The following FIG4 variants were observed in gnomAD, a reference collection of about 807,000 sequenced individuals.
The protein encoded by FIG4 is polyphosphoinositide phosphatase.
FIG4 carries 112 observed loss-of-function variants against 118.6 expected under a neutral mutation model. The observed-to-expected ratio is 0.94, with a 90% CI of 0.81 to 1.11. The LOEUF is 1.11. Among genes scored for constraint, FIG4 ranks in the 50% least tolerant of loss-of-function variants. The pLI is 0.00. For synonymous variants in FIG4, 369 were observed against 381.2 expected (o/e 0.97, Z 0.37); for missense variants, 969 against 1,111.7 (o/e 0.87, Z 1.83).
At chr6:109,804,467 A>T (rs1471172663) in intron 22 of FIG4, among the ~76,000 whole-genome samples, 1 of 152,146 alleles carries the variant, frequency 6.6e-6, no homozygotes, top group Non-Finnish European at 1.5e-5. Flanking sequence ...AGTTAAGATA[A>T]ACTTTTGGCT....
At position 109,765,180 on chromosome 6, in the gene FIG4, T is replaced by G; in HGVS notation, c.1583+19T>G. ...CAGTTAGGTAAGTCTTATTTTTTGC[T>G]ATTTGAATGCTGATAATGGCAGAAG... is the stretch of plus-strand genomic sequence containing the variant. On this transcript the variant is annotated intron_variant, in intron 14 of 22. Transcript: ENST00000230124. 6.2e-7 allele frequency: 1 copy of G among 1,611,554 alleles called. No homozygotes were observed.
At chr6:109,776,815 T>C (rs1348462833) in intron 15 of FIG4, 107 bp from the exon 16 acceptor site, 2 of 868,572 alleles carry the variant, frequency 2.3e-6, no homozygotes, top group Non-Finnish European at 3.8e-6. Flanking sequence ...TGTATGTATT[T>C]GAACTATAAA....
chr6:109,718,458 C>G (rs571254795), intron 3 of FIG4, among the ~76,000 whole-genome samples: 1 of 152,282 alleles, frequency 6.6e-6, no homozygotes, highest in Non-Finnish European at 1.5e-5. Flanking sequence ...TTAGCACTTT[C>G]TATTTTGTGA....
chr6:109,746,722 C>T (rs1193752090), intron 10 of FIG4, among the ~76,000 whole-genome samples: 1 of 152,082 alleles, frequency 6.6e-6, no homozygotes, highest in Non-Finnish European at 1.5e-5. Context: ...GGATCATTGT[C>T]AGATTTATGT....
At chr6:109,738,603 A>C in intron 7 of FIG4, 150 bp downstream of exon 7, 1 of 730,886 alleles carries the variant, frequency 1.4e-6, no homozygotes, top group Non-Finnish European at 2.4e-6. Flanking sequence ...GCAGAAATAC[A>C]AAGAAGAATG....
chr6:109,824,302 A>C (rs942622239), intron 22 of FIG4, among the ~76,000 whole-genome samples: 5 of 152,238 alleles, frequency 3.3e-5, no homozygotes, highest in African/African-American at 1.2e-4. Flanking sequence ...GAGTCGCAGA[A>C]TTCCGAATTG....
intron 5 of FIG4, among the ~76,000 whole-genome samples, chr6:109,733,439 T>C (rs527688143): frequency 6.6e-6 from 1 of 152,128 alleles, no homozygotes; most frequent in African/African-American, 2.4e-5. Context: ...AAAATAAAAA[T>C]AGAACACAGT....
In FIG4 at chr6:109,801,147, A is replaced by G. The variant is rs79456564; in HGVS notation, c.2546+4296A>G. On this transcript the variant is annotated intron_variant, in intron 22 of 22. Transcript: ENST00000230124. ...CCTATTCTAGGAATATGTCTCATTT[A>G]AAAATCACCTCTAAGAAATGGTTCA... 6.9e-3 allele frequency among the ~76,000 whole-genome samples: 1,053 copies of G among 152,340 alleles called. 19 individuals carry two copies. Among genetic ancestry groups the G allele is most frequent in the African/African-American group, 0.024 (998 of 41,562 alleles).
intron 10 of FIG4, among the ~76,000 whole-genome samples, chr6:109,756,668 C>A (rs555360568): frequency 2.0e-5 from 3 of 152,116 alleles, no homozygotes. Flanking sequence ...CTTCCCTTCT[C>A]GCTTCATTTC....
Position 109,776,991 on chromosome 6 carries a change from T to C in FIG4, c.1820T>C (p.Leu607Pro). The C allele has an allele frequency of 6.2e-7, 1 of 1,613,246 alleles. No homozygotes were observed. The highest frequency in any genetic ancestry group is 8.5e-7 in the Non-Finnish European group (1 of 1,179,246). Residue 607 changes from leucine to proline, a missense_variant, in exon 16 of 23, where the codon CTC becomes CCC. Leu to Pro is a moderately conservative substitution (Grantham distance 98). This residue lies in a region of FIG4 where 246 missense variants were observed against 354.3 expected (regional missense o/e 0.69). Transcript: ENST00000230124. ...CATCCCACTGAAGGGAAACCTCATCTCTGGGAGCTCCCAACAGATTTTTAT... is the reference window on the plus strand; with the variant it reads ...CATCCCACTGAAGGGAAACCTCATCCCTGGGAGCTCCCAACAGATTTTTAT... Reference protein sequence around the residue: ...VFHPTEGKPHLWELPTDFYLH... With the variant: ...VFHPTEGKPHPWELPTDFYLH...
chr6:109,759,388 C>T (rs1182945946), intron 10 of FIG4, among the ~76,000 whole-genome samples: 1 of 151,860 alleles, frequency 6.6e-6, no homozygotes, highest in Non-Finnish European at 1.5e-5. Flanking sequence ...GCACGTTCTG[C>T]ACATGTATCC....
chr6:109,808,480 A>G (rs1459019687), intron 22 of FIG4, among the ~76,000 whole-genome samples: 1 of 152,208 alleles, frequency 6.6e-6, no homozygotes, highest in Non-Finnish European at 1.5e-5. Flanking sequence ...TCTTTGTGAC[A>G]AAATGGAAAA....
intron 22 of FIG4, among the ~76,000 whole-genome samples, chr6:109,798,281 G>A (rs1340942404): frequency 6.6e-6 from 1 of 152,144 alleles, no homozygotes. Flanking sequence ...TCAGAGAGTG[G>A]GGAACAAGAG....
chr6:109,693,302 G>C (rs1774605415), intron 1 of FIG4, among the ~76,000 whole-genome samples: 1 of 152,216 alleles, frequency 6.6e-6, no homozygotes, highest in East Asian at 1.9e-4. Flanking sequence ...CCCTATATCT[G>C]CCCTGTGTTT....
chr6:109,765,826 G>A (rs1474147685), intron 14 of FIG4, among the ~76,000 whole-genome samples: 4 of 152,170 alleles, frequency 2.6e-5, no homozygotes, highest in African/African-American at 9.7e-5. Flanking sequence ...TACAATTAAT[G>A]ATAGCTGATA....
intron 19 of FIG4, 94 bp downstream of exon 19, chr6:109,789,771 A>T: frequency 1.2e-6 from 1 of 858,014 alleles, no homozygotes; most frequent in Non-Finnish European, 2.0e-6. Context: ...ACTTCAGGTC[A>T]TATATAGTTT....
At chr6:109,817,330 G>A (rs576309124) in intron 22 of FIG4, among the ~76,000 whole-genome samples, 3 of 152,290 alleles carry the variant, frequency 2.0e-5, no homozygotes, top group Admixed American at 1.3e-4. Context: ...GATGCTTCCC[G>A]AGTGTTTGTG....
At chr6:109,794,572 G>A (rs772030037) in intron 21 of FIG4, among the ~76,000 whole-genome samples, 47 of 152,352 alleles carry the variant, frequency 3.1e-4, no homozygotes, top group Non-Finnish European at 1.3e-4. Flanking sequence ...CTGTGCCAGA[G>A]GGTGACCAAG....
At position 109,716,585 on chromosome 6, in the gene FIG4, C is replaced by A. The variant is rs368282150; in HGVS notation, c.289+17C>A. 1.9e-6 allele frequency: 3 copies of A among 1,613,128 alleles called. No homozygotes were observed. The highest frequency in any genetic ancestry group is 2.5e-6 in the Non-Finnish European group (3 of 1,179,452). On this transcript the variant is annotated intron_variant, in intron 3 of 22. Transcript: ENST00000230124. ...GTGTTGTGGGTAAGAAATCTGCCCC[C>A]CTTCTTACAATCTCTTGTTTTTTGT...
Sources: allele counts gnomAD v4.1 joint callset (sites outside exome capture counted in the v4.1 genomes callset), GRCh38; gene constraint gnomAD v4.1.1; regional missense constraint gnomAD v4.1.1; transcripts MANE v1.5; gene names NCBI Gene and HGNC (gene_info 2026-07-23, HGNC 2026-07-21).